ERCC2: variants seen among roughly 807,000 people sequenced by gnomAD.
The protein encoded by ERCC2 is ERCC excision repair 2, TFIIH core complex helicase subunit.
ERCC2 carries 90 observed loss-of-function variants against 99.4 expected under a neutral mutation model. The ratio of observed to expected loss-of-function variants is 0.91; its 90% confidence interval spans 0.76 to 1.08. The LOEUF (loss-of-function observed/expected upper bound fraction) is 1.08, where lower values mean the gene tolerates loss of function less well. Among genes scored for constraint, ERCC2 ranks in the 50% least tolerant of loss-of-function variants. The probability of loss-of-function intolerance (pLI) is 0.00; values close to 1 mark genes in which losing one functional copy is unlikely to be tolerated. For missense variants in ERCC2, 993 were observed against 1,038.1 expected, an observed-to-expected ratio of 0.96 and a Z score of 0.60; for synonymous variants, 497 against 432.4, an observed-to-expected ratio of 1.15 and a Z score of -1.85.
At chr19:45,366,550 T>C (rs1359331315) in intron 5 of ERCC2, among the ~76,000 whole-genome samples, 1 of 152,202 alleles carries the variant, frequency 6.6e-6, no homozygotes, top group Non-Finnish European at 1.5e-5. Context: ...TGGCAGGGCC[T>C]AAGAATCAAA....
intron 15 of ERCC2, among the ~76,000 whole-genome samples, chr19:45,356,924 G>A (rs1972031802): frequency 6.6e-6 from 1 of 152,188 alleles, no homozygotes; most frequent in Non-Finnish European, 1.5e-5. Context: ...ACTTACCTGG[G>A]TCACAGCCAG....
In ERCC2 at chr19:45,357,553, G is replaced by A. The variant is rs202146136; in HGVS notation, c.1308-10C>T. 142 of 1,614,208 alleles carry A rather than the reference G, an allele frequency of 8.8e-5. No homozygotes were observed. The highest frequency in any genetic ancestry group is 3.3e-4 in the Middle Eastern group (2 of 6,062). On this transcript the variant is annotated splice_polypyrimidine_tract_variant and intron_variant, in intron 13 of 22. Transcript: ENST00000391945. Reference sequence around the variant, plus strand: ...CGAGGCGTCCATGCAGCTGGAGAGAGATGAGGGCAGTGAGGGCCCGGGGGG... The same window carrying A: ...CGAGGCGTCCATGCAGCTGGAGAGAAATGAGGGCAGTGAGGGCCCGGGGGG...
chr19:45,356,939 C>T (rs1278353797), intron 15 of ERCC2, among the ~76,000 whole-genome samples: 1 of 152,210 alleles, frequency 6.6e-6, no homozygotes, highest in Non-Finnish European at 1.5e-5. Context: ...AGCCAGACCA[C>T]GTACTCGGCA....
At position 45,363,983 on chromosome 19, in the gene ERCC2, C is replaced by T; in HGVS notation, c.949+3G>A. Reference sequence around the variant, plus strand: ...TGGGGGGCAGCGGGGGGTCGGGGCTCACCCTGCAGCACTTCGTCGGGCAGC... The same window carrying T: ...TGGGGGGCAGCGGGGGGTCGGGGCTTACCCTGCAGCACTTCGTCGGGCAGC... On this transcript the variant is annotated splice_donor_region_variant and intron_variant, in intron 10 of 22. Coordinates refer to ENST00000391945, the MANE Select transcript of ERCC2 (RefSeq NM_000400.4). 4 of 1,539,616 alleles carry T rather than the reference C, an allele frequency of 2.6e-6. No individual in the cohort carries two copies. Among genetic ancestry groups the T allele is most frequent in the Non-Finnish European group, 3.5e-6 (4 of 1,146,470 alleles).
At position 45,351,447 on chromosome 19, in the gene ERCC2, C is replaced by T. The variant is rs1971771833; in HGVS notation, c.*182G>A. On this transcript the variant is annotated 3_prime_UTR_variant, in exon 23 of 23. Coordinates refer to ENST00000391945, the MANE Select transcript of ERCC2 (RefSeq NM_000400.4). Reference sequence around the variant, plus strand: ...TGAGAGGGGGTCTATCATCTCCTGGCCCCCCCTTGCCTCTGGGTACCTGGT... The same window carrying T: ...TGAGAGGGGGTCTATCATCTCCTGGTCCCCCCTTGCCTCTGGGTACCTGGT... The T allele has an allele frequency of 6.3e-7, 1 of 1,580,274 alleles. No individual in the cohort carries two copies. The highest frequency in any genetic ancestry group is 8.6e-7 in the Non-Finnish European group (1 of 1,166,630).
intron 5 of ERCC2, among the ~76,000 whole-genome samples, chr19:45,365,426 C>G (rs1444727507): frequency 6.6e-6 from 1 of 152,116 alleles, no homozygotes; most frequent in African/African-American, 2.4e-5. Flanking sequence ...ACCAGCCTGG[C>G]CAACATGGTG....
intron 15 of ERCC2, among the ~76,000 whole-genome samples, chr19:45,356,045 G>A (rs1030502911): frequency 2.0e-5 from 3 of 152,162 alleles, no homozygotes; most frequent in Non-Finnish European, 2.9e-5. Flanking sequence ...GCTCAGAGAA[G>A]GTGAGTTGCC....
rs1000022619 is a variant in ERCC2, at chr19:45,350,114, G to C, written c.*1515C>G. The C allele has an allele frequency of 3.6e-6, 2 of 557,052 alleles. No individual in the cohort carries two copies. The highest frequency in any genetic ancestry group is 6.4e-6 in the Non-Finnish European group (2 of 311,546). 34.5% of individuals were successfully genotyped at this position (557,052 alleles called of 1,614,324 possible). A position where few individuals can be genotyped will look rare whatever the true frequency, so the allele number is the denominator to read the frequency against. On this transcript the variant is annotated 3_prime_UTR_variant, in exon 23 of 23. Transcript: ENST00000391945. ...AAGGCTTTAGGCAGGGGAAGGATAC[G>C]GCCAGGTCAGCACATTAGAAAGTGG...
At chr19:45,364,817 C>T (rs766036288) in intron 7 of ERCC2, 21 bp downstream of exon 7, 7 of 1,576,634 alleles carry the variant, frequency 4.4e-6, no homozygotes, top group Non-Finnish European at 6.1e-6. Flanking sequence ...GCCCCTCTGC[C>T]CATCCCACCA....
Position 45,351,464 on chromosome 19 carries a change from G to T in ERCC2, c.*165C>A. Reference sequence around the variant, plus strand: ...TCTCCTGGCCCCCCCTTGCCTCTGGGTACCTGGTGGATAGCTGCCTTCTCC... The same window carrying T: ...TCTCCTGGCCCCCCCTTGCCTCTGGTTACCTGGTGGATAGCTGCCTTCTCC... On this transcript the variant is annotated 3_prime_UTR_variant, in exon 23 of 23. Transcript: ENST00000391945. 1 of 1,583,784 alleles carries T rather than the reference G, an allele frequency of 6.3e-7. No individual in the cohort carries two copies. Among genetic ancestry groups the T allele is most frequent in the Non-Finnish European group, 8.6e-7 (1 of 1,168,982 alleles).
intron 11 of ERCC2, 40 bp downstream of exon 11, chr19:45,363,703 C>T: frequency 6.6e-7 from 1 of 1,517,924 alleles, no homozygotes; most frequent in Non-Finnish European, 8.8e-7. Context: ...ATAACCGGGA[C>T]CTGCCGGGCC....
In ERCC2 at chr19:45,351,406, G is replaced by C; in HGVS notation, c.*223C>G. Reference sequence around the variant, plus strand: ...CAGCTTCTTGGGAACAGTGCAGGAGGGATGGGCTGGTGGGGTGAGAGGGGG... The same window carrying C: ...CAGCTTCTTGGGAACAGTGCAGGAGCGATGGGCTGGTGGGGTGAGAGGGGG... On this transcript the variant is annotated 3_prime_UTR_variant, in exon 23 of 23. Transcript: ENST00000391945. 1 of 1,599,046 alleles carries C rather than the reference G, an allele frequency of 6.3e-7. No homozygotes were observed. Among genetic ancestry groups the C allele is most frequent in the African/African-American group, 1.3e-5 (1 of 74,902 alleles).
At chr19:45,353,482 C>A in intron 17 of ERCC2, 148 bp from the exon 18 acceptor site, 1 of 677,560 alleles carries the variant, frequency 1.5e-6, no homozygotes. Context: ...AATTGTCCAA[C>A]CTCAGTTCTT....
rs61513187 is a variant in ERCC2, at chr19:45,350,259, CAAAAAA to C, written c.*1364_*1369del. The C allele has an allele frequency of 1.3e-5, 11 of 874,764 alleles. No individual in the cohort carries two copies. Among genetic ancestry groups the C allele is most frequent in the South Asian group, 1.2e-4 (7 of 59,680 alleles). 54.2% of individuals were successfully genotyped at this position (874,764 alleles called of 1,614,324 possible). On this transcript the variant is annotated 3_prime_UTR_variant, in exon 23 of 23. Transcript: ENST00000391945. ...CAACATACCAAGACCCCTGTCTCTA[CAAAAAA>C]AAAAAAAAAGGCGGGACTGGATGCA...
chr19:45,358,540 C>T (rs951186168), intron 12 of ERCC2: 20 of 404,080 alleles, frequency 4.9e-5, no homozygotes, highest in Non-Finnish European at 8.3e-5. Context: ...CAAGAAGCCT[C>T]CCATGGCCCC....
intron 12 of ERCC2, among the ~76,000 whole-genome samples, chr19:45,359,929 C>G (rs928414966): frequency 6.6e-6 from 1 of 151,974 alleles, no homozygotes; most frequent in Non-Finnish European, 1.5e-5. Context: ...TGCGTGCCAC[C>G]ACGTCCAGCT....
Position 45,351,147 on chromosome 19 carries a change from C to T in ERCC2, c.*482G>A, listed in dbSNP as rs1170365843. On this transcript the variant is annotated 3_prime_UTR_variant, in exon 23 of 23. Coordinates refer to ENST00000391945, the MANE Select transcript of ERCC2 (RefSeq NM_000400.4). ...GGTTGGTGTCAGAAGAGACCCAGGA[C>T]AGGAGCAAAGATGGGTTTTACTTGG... is the stretch of plus-strand genomic sequence containing the variant. 1.9e-6 allele frequency: 3 copies of T among 1,595,648 alleles called. No homozygotes were observed. Among genetic ancestry groups the T allele is most frequent in the East Asian group, 4.5e-5 (2 of 44,638 alleles).
At position 45,351,048 on chromosome 19, in the gene ERCC2, G is replaced by A. The variant is rs755324188; in HGVS notation, c.*581C>T. The stretch of plus-strand genomic sequence containing the variant: ...GGGGACATCTGGGTCAAAAATAGAG[G>A]AGGCCATGTGGGTAGGTGCAGAGAT... On this transcript the variant is annotated 3_prime_UTR_variant, in exon 23 of 23. Transcript: ENST00000391945. The A allele has an allele frequency of 1.4e-5, 22 of 1,613,900 alleles. No individual in the cohort carries two copies. Among genetic ancestry groups the A allele is most frequent in the Non-Finnish European group, 1.7e-5 (20 of 1,179,948 alleles).
intron 12 of ERCC2, among the ~76,000 whole-genome samples, chr19:45,359,263 G>A (rs1055230634): frequency 5.3e-5 from 8 of 152,196 alleles, no homozygotes; most frequent in Non-Finnish European, 7.3e-5. Flanking sequence ...AAGACCATGA[G>A]GTGTTGGCAG....
Sources: allele counts gnomAD v4.1 joint callset (sites outside exome capture counted in the v4.1 genomes callset), GRCh38; gene constraint gnomAD v4.1.1; transcripts MANE v1.5; gene names NCBI Gene and HGNC (gene_info 2026-07-23, HGNC 2026-07-21).